Variants in NUP210 observed in about 807,000 individuals in gnomAD.
NUP210 encodes the protein nuclear pore membrane glycoprotein 210.
Under a neutral mutation model 196.0 loss-of-function variants are expected in NUP210, and 151 were observed. That is an observed-to-expected ratio of 0.77 (90% confidence interval 0.67 to 0.88). The LOEUF (loss-of-function observed/expected upper bound fraction) is 0.88, where lower values mean the gene tolerates loss of function less well. NUP210 is among the 40% of genes least tolerant of loss of function. The pLI, the probability that NUP210 is intolerant of heterozygous loss-of-function variation, is 0.00. For missense variants in NUP210, 2,314 were observed against 2,493.7 expected, an observed-to-expected ratio of 0.93 and a Z score of 1.53; for synonymous variants, 1,070 against 1,052.7, an observed-to-expected ratio of 1.02 and a Z score of -0.32.
In NUP210 at chr3:13,317,734, G is replaced by A. The variant is rs1289519024; in HGVS notation, c.5611C>T (p.Arg1871Cys). 74 of 1,611,874 alleles carry A rather than the reference G, an allele frequency of 4.6e-5. No homozygotes were observed. Among genetic ancestry groups the A allele is most frequent in the Non-Finnish European group, 5.8e-5 (68 of 1,179,266 alleles). ...PTSPNALPPA[R>C]KASPPSGLWS... ...AGCCCTGAGGGAGGGCTGGCTTTGC[G>A]AGCAGGAGGCAATGCATTGGGAGAT... is the stretch of plus-strand genomic sequence containing the variant. Residue 1871 changes from arginine (R) to cysteine (C), a missense_variant, in exon 40 of 40, where the codon CGC becomes TGC. Coordinates refer to ENST00000254508, the MANE Select transcript of NUP210 (RefSeq NM_024923.4).
intron 1 of NUP210, among the ~76,000 whole-genome samples, chr3:13,408,519 A>G (rs6802950): frequency 0.22 from 33,899 of 152,132 alleles, 5,969 homozygotes; most frequent in African/African-American, 0.49. Context: ...GCCAGGTGCC[A>G]TGGCTCATGC....
chr3:13,401,356 C>T (rs1353050871), intron 1 of NUP210, among the ~76,000 whole-genome samples: 2 of 151,836 alleles, frequency 1.3e-5, no homozygotes, highest in Non-Finnish European at 2.9e-5. Context: ...TGGGCCAAGC[C>T]AGCACAAGGC....
chr3:13,342,085 C>CA lies in NUP210; in HGVS notation c.3002dup (p.Leu1002AlafsTer33). 1 of 1,614,190 alleles carries CA rather than the reference C, an allele frequency of 6.2e-7. No homozygotes were observed. The highest frequency in any genetic ancestry group is 8.5e-7 in the Non-Finnish European group (1 of 1,180,028). On this transcript the variant is annotated frameshift_variant, in exon 22 of 40. Transcript: ENST00000254508. LOFTEE classifies it high-confidence loss of function. The stretch of plus-strand genomic sequence containing the variant: ...GGAAGGGCTTCTTGTGCAAGTCCAG[C>CA]ACGCGGACGTATGCCTTCACTGTCT...
intron 1 of NUP210, among the ~76,000 whole-genome samples, chr3:13,415,150 C>T (rs376039382): frequency 1.3e-5 from 2 of 152,260 alleles, no homozygotes; most frequent in African/African-American, 4.8e-5. Flanking sequence ...ATAGCTTGAA[C>T]CTGGGAGGTG....
chr3:13,418,658 G>A (rs1271465698), intron 1 of NUP210, among the ~76,000 whole-genome samples: 1 of 151,610 alleles, frequency 6.6e-6, no homozygotes, highest in Non-Finnish European at 1.5e-5. Context: ...TGTTGTGGCG[G>A]GCGCCTGTAA....
chr3:13,340,110 G>T lies in NUP210; in HGVS notation c.3292-77C>A. 1 of 1,601,216 alleles carries T rather than the reference G, an allele frequency of 6.2e-7. No homozygotes were observed. The highest frequency in any genetic ancestry group is 8.5e-7 in the Non-Finnish European group (1 of 1,171,594). On this transcript the variant is annotated intron_variant, in intron 24 of 39. Transcript: ENST00000254508. This position sits in a 1 kb window ranked among gnomAD's most constrained non-coding sequence, Gnocchi z 4.0. ...CGCACCTCCCACTCAGAGAGCCAGGGCCCCAGTGCAGGCAGCTTCTGCCTT... is the reference window on the plus strand; with the variant it reads ...CGCACCTCCCACTCAGAGAGCCAGGTCCCCAGTGCAGGCAGCTTCTGCCTT...
intron 2 of NUP210, among the ~76,000 whole-genome samples, chr3:13,399,158 C>T (rs370659426): frequency 4.1e-5 from 6 of 145,004 alleles, no homozygotes; most frequent in East Asian, 2.1e-4. Context: ...CTCAACTACT[C>T]GGGAGGCTGA....
intron 16 of NUP210, among the ~76,000 whole-genome samples, chr3:13,356,684 T>A (rs1306131917): frequency 1.3e-5 from 2 of 152,170 alleles, no homozygotes; most frequent in African/African-American, 4.8e-5. Context: ...GGCTGTAAAT[T>A]GCCAGAGTCA....
chr3:13,397,442 A>G lies in NUP210; in HGVS notation c.351T>C (p.His117=). Residue 117 remains histidine (H), a synonymous_variant, in exon 3 of 40, where the codon CAT becomes CAC. Transcript: ENST00000254508. ...GGGTGGTGGAGACGATCTGGATGTC[A>G]TGGATGAGGTCCACAATGGCATCAC... is the stretch of plus-strand genomic sequence containing the variant. ...LRCDAIVDLI[H]DIQIVSTTRE... is the part of the protein sequence containing the mutation. The G allele has an allele frequency of 1.2e-6, 2 of 1,613,020 alleles. No homozygotes were observed. Among genetic ancestry groups the G allele is most frequent in the Non-Finnish European group, 1.7e-6 (2 of 1,179,584 alleles).
intron 12 of NUP210, 45 bp downstream of exon 12, chr3:13,373,673 C>A (rs776994330): frequency 1.2e-6 from 2 of 1,603,288 alleles, no homozygotes; most frequent in Non-Finnish European, 1.7e-6. Context: ...GGCTGGAGAC[C>A]ACCATCCGAG....
rs551340696 is a variant in NUP210 at position 13,322,796 on chromosome 3, C to T, written c.4769-457G>A. 5.3e-5 allele frequency among the ~76,000 whole-genome samples: 8 copies of T among 152,320 alleles called. No homozygotes were observed. The East Asian group carries it at 9.6e-4, about 18-fold the overall frequency. On this transcript the variant is annotated intron_variant, in intron 34 of 39. Coordinates refer to ENST00000254508, the MANE Select transcript of NUP210 (RefSeq NM_024923.4). ...CTGCCATGATGGAACAGAGCTGCCT[C>T]GTTAATCAGGACGAGAAGGGCGGTG...
rs773179085 is a variant in NUP210, at chr3:13,366,102, G to A, written c.1787-11C>T. On this transcript the variant is annotated splice_polypyrimidine_tract_variant and intron_variant, in intron 13 of 39. Transcript: ENST00000254508. Reference sequence around the variant, plus strand: ...CTGGCGGCAGCCTCCCTACAGAAAGGAGAGAACTAGATGGTCACCCTGAAA... The same window carrying A: ...CTGGCGGCAGCCTCCCTACAGAAAGAAGAGAACTAGATGGTCACCCTGAAA... 85 of 1,612,008 alleles carry A rather than the reference G, an allele frequency of 5.3e-5. No homozygotes were observed. Among genetic ancestry groups the A allele is most frequent in the Non-Finnish European group, 7.0e-5 (82 of 1,178,978 alleles).
At position 13,316,241 on chromosome 3, in the gene NUP210, A is replaced by G. The variant is rs1169479332; in HGVS notation, c.*1440T>C. ...CAGCAACGATCACACCCTCTTAAAA[A>G]ATCACATAGAACTTTATTAAATAAA... On this transcript the variant is annotated 3_prime_UTR_variant, in exon 40 of 40. Transcript: ENST00000254508. The G allele has an allele frequency of 6.6e-6, 1 of 152,288 alleles. No homozygotes were observed. The highest frequency in any genetic ancestry group is 1.9e-4 in the East Asian group (1 of 5,210). The allele number at this position is 152,288 out of a possible 1,614,324, so 9.4% of individuals were successfully genotyped here. A position where few individuals can be genotyped will look rare whatever the true frequency, so the allele number is the denominator to read the frequency against.
At chr3:13,332,209 G>A in intron 29 of NUP210, 84 bp downstream of exon 29, 1 of 1,104,298 alleles carries the variant, frequency 9.1e-7, no homozygotes, top group South Asian at 1.3e-5. Context: ...AAGTACCCAT[G>A]GCTCCTGACA....
At position 13,379,829 on chromosome 3, in the gene NUP210, A is replaced by C. The variant is rs1202803526; in HGVS notation, c.818-108T>G. 5 of 840,678 alleles carry C rather than the reference A, an allele frequency of 5.9e-6. No individual in the cohort carries two copies. Among genetic ancestry groups the C allele is most frequent in the African/African-American group, 3.5e-5 (2 of 57,028 alleles). 52.1% of individuals were successfully genotyped at this position (840,678 alleles called of 1,614,324 possible). The stretch of plus-strand genomic sequence containing the variant: ...CCCCGAATCTCTGCACTCTGCTCTC[A>C]GTACAGCTGACGCATTTTCTTAATT... On this transcript the variant is annotated intron_variant, in intron 6 of 39. Transcript: ENST00000254508. The surrounding 1 kb of genome is among the most constrained non-coding windows in gnomAD (Gnocchi z 4.2).
In NUP210 at chr3:13,348,333, AG is replaced by A; in HGVS notation, c.2835+3545del. The A allele has an allele frequency of 2.0e-6, 2 of 977,408 alleles. No homozygotes were observed. Among genetic ancestry groups the A allele is most frequent in the Non-Finnish European group, 2.4e-6 (2 of 822,632 alleles). 60.5% of individuals were successfully genotyped at this position (977,408 alleles called of 1,614,324 possible). A position where few individuals can be genotyped will look rare whatever the true frequency, so the allele number is the denominator to read the frequency against. Reference sequence around the variant, plus strand: ...GCAGCCTAGTCCATCACCGACCTCTAGGAACTCTTGTTCTTGGAGTAAAGGT... The same window carrying A: ...GCAGCCTAGTCCATCACCGACCTCTAGAACTCTTGTTCTTGGAGTAAAGGT... On this transcript the variant is annotated intron_variant, in intron 20 of 39. Coordinates refer to ENST00000254508, the MANE Select transcript of NUP210 (RefSeq NM_024923.4). This position sits in a 1 kb window ranked among gnomAD's most constrained non-coding sequence, Gnocchi z 4.0.
intron 14 of NUP210, among the ~76,000 whole-genome samples, chr3:13,362,203 C>G (rs1698394433): frequency 6.6e-6 from 1 of 152,090 alleles, no homozygotes; most frequent in African/African-American, 2.4e-5. Context: ...ATATTCCCTC[C>G]CCACCCACAA....
intron 11 of NUP210, among the ~76,000 whole-genome samples, chr3:13,374,396 ACT>A (rs1262629022): frequency 6.6e-6 from 1 of 151,748 alleles, no homozygotes; most frequent in African/African-American, 2.4e-5. Context: ...ACACATACAC[ACT>A]CTCACAGGCT....
chr3:13,381,566 A>T (rs1396881804), intron 6 of NUP210, among the ~76,000 whole-genome samples: 2 of 151,996 alleles, frequency 1.3e-5, no homozygotes, highest in Non-Finnish European at 2.9e-5. Flanking sequence ...GCACGCCACC[A>T]TACCTGGCCT....
Sources: allele counts gnomAD v4.1 joint callset (sites outside exome capture counted in the v4.1 genomes callset), GRCh38; gene constraint gnomAD v4.1.1; non-coding constraint Gnocchi (gnomAD v3.1); transcripts MANE v1.5; gene names NCBI Gene and HGNC (gene_info 2026-07-23, HGNC 2026-07-21).